The following TCF4 variants were observed in gnomAD, a reference collection of about 807,000 sequenced individuals.
TCF4 encodes transcription factor 4, also known as SL3-3 enhancer factor 2.
In TCF4, 3 loss-of-function variants were observed where a neutral mutation model predicts 82.1. The ratio of observed to expected loss-of-function variants is 0.04; its 90% confidence interval spans 0.02 to 0.09. The LOEUF is 0.09. TCF4 is among the 10% of genes least tolerant of loss of function. The probability of loss-of-function intolerance (pLI) is 1.00; values close to 1 mark genes in which losing one functional copy is unlikely to be tolerated. For synonymous variants in TCF4, 276 were observed against 309.6 expected (o/e 0.89, Z 1.14); for missense variants, 518 against 852.7 (o/e 0.61, Z 4.89).
chr18:55,580,889 A>C (rs2097569555), intron 3 of TCF4, among the ~76,000 whole-genome samples: 1 of 151,864 alleles, frequency 6.6e-6, no homozygotes, highest in South Asian at 2.1e-4. Context: ...CTCAGCTATG[A>C]ATACAGGATA....
intron 8 of TCF4, among the ~76,000 whole-genome samples, chr18:55,317,281 T>A (rs1467695009): frequency 6.6e-6 from 1 of 152,110 alleles, no homozygotes; most frequent in Non-Finnish European, 1.5e-5. Context: ...GTGGGGAATT[T>A]AAAAATTTGA....
intron 15 of TCF4, among the ~76,000 whole-genome samples, chr18:55,241,179 C>A (rs1349703989): frequency 3.3e-5 from 5 of 152,160 alleles, no homozygotes; most frequent in Non-Finnish European, 5.9e-5. Flanking sequence ...GAAATGCAAA[C>A]GGATGTGAGC....
At chr18:55,601,709 G>A (rs1428889852) in intron 2 of TCF4, among the ~76,000 whole-genome samples, 2 of 152,074 alleles carry the variant, frequency 1.3e-5, no homozygotes, top group African/African-American at 4.8e-5. Context: ...ACTTAAACCC[G>A]GCAGGCAGAG....
intron 2 of TCF4, among the ~76,000 whole-genome samples, chr18:55,622,944 C>G (rs578231733): frequency 6.6e-6 from 1 of 150,844 alleles, no homozygotes; most frequent in Admixed American, 6.6e-5. Flanking sequence ...GAAAATCTAA[C>G]CAGACACAAT....
At chr18:55,505,311 A>G (rs1167385286) in intron 3 of TCF4, among the ~76,000 whole-genome samples, 1 of 152,228 alleles carries the variant, frequency 6.6e-6, no homozygotes, top group Non-Finnish European at 1.5e-5. Context: ...AGCTAACTAA[A>G]GTGTCTAAAA....
chr18:55,236,342 T>A (rs1274993935), intron 15 of TCF4, among the ~76,000 whole-genome samples: 1 of 152,182 alleles, frequency 6.6e-6, no homozygotes, highest in Non-Finnish European at 1.5e-5. Flanking sequence ...GTACTGAGAC[T>A]GATATCTCCC....
At chr18:55,454,968 C>T (rs959258828) in intron 5 of TCF4, among the ~76,000 whole-genome samples, 2 of 152,036 alleles carry the variant, frequency 1.3e-5, no homozygotes, top group Non-Finnish European at 2.9e-5. Context: ...AGGCAGATCA[C>T]TTCAGGTCAG....
chr18:55,285,281 G>C (rs114444565), intron 8 of TCF4, among the ~76,000 whole-genome samples: 228 of 152,294 alleles, frequency 1.5e-3, no homozygotes, highest in African/African-American at 5.4e-3. Context: ...TTCCTTGCGA[G>C]GACATAACAA....
chr18:55,619,707 T>C (rs1324453106), intron 2 of TCF4, among the ~76,000 whole-genome samples: 1 of 152,232 alleles, frequency 6.6e-6, no homozygotes, highest in Non-Finnish European at 1.5e-5. Flanking sequence ...TTAATTTTTT[T>C]CATTCCTAAT....
chr18:55,444,191 G>A (rs532063110), intron 5 of TCF4, among the ~76,000 whole-genome samples: 1 of 152,320 alleles, frequency 6.6e-6, no homozygotes, highest in African/African-American at 2.4e-5. Context: ...AGATGTGGAA[G>A]CCCTGGATGT....
At chr18:55,422,989 A>ACACACACACACGCACATGCT (rs1412635450) in intron 5 of TCF4, among the ~76,000 whole-genome samples, 3 of 151,954 alleles carry the variant, frequency 2.0e-5, no homozygotes, top group Non-Finnish European at 2.9e-5. Context: ...CACCAAACAC[A>ACACACACACACGCACATGCT]CACACACACA....
At chr18:55,507,509 A>AT (rs1161512300) in intron 3 of TCF4, among the ~76,000 whole-genome samples, 1 of 149,026 alleles carries the variant, frequency 6.7e-6, no homozygotes, top group African/African-American at 2.5e-5. Flanking sequence ...ACCACAGCTG[A>AT]TGGACAGTAA....
intron 8 of TCF4, among the ~76,000 whole-genome samples, chr18:55,305,559 A>G (rs545217233): frequency 8.5e-5 from 13 of 152,320 alleles, no homozygotes; most frequent in African/African-American, 2.9e-4. Flanking sequence ...GCCAGCTAGG[A>G]TGTATGTTTT....
intron 3 of TCF4, among the ~76,000 whole-genome samples, chr18:55,478,806 C>T: frequency 8.7e-6 from 1 of 115,460 alleles, no homozygotes; most frequent in Admixed American, 8.7e-5. Context: ...GTCCACAGTT[C>T]TGTGGCATAA....
chr18:55,330,090 C>T (rs928753074), intron 8 of TCF4, among the ~76,000 whole-genome samples: 2 of 151,108 alleles, frequency 1.3e-5, no homozygotes, highest in East Asian at 3.9e-4. Flanking sequence ...GGAAATGGTA[C>T]AGAACATATG....
intron 2 of TCF4, among the ~76,000 whole-genome samples, chr18:55,594,714 T>A (rs545914089): frequency 6.6e-6 from 1 of 152,256 alleles, no homozygotes; most frequent in East Asian, 1.9e-4. Flanking sequence ...ATGGGGACAG[T>A]GTCTTCATTA....
chr18:55,354,254 G>A (rs1268445108), intron 6 of TCF4, among the ~76,000 whole-genome samples: 1 of 152,170 alleles, frequency 6.6e-6, no homozygotes, highest in African/African-American at 2.4e-5. Flanking sequence ...CAATTCCCCT[G>A]CAAATGGCCA....
intron 3 of TCF4, among the ~76,000 whole-genome samples, chr18:55,565,306 A>T (rs899643054): frequency 4.3e-5 from 6 of 140,870 alleles, no homozygotes; most frequent in African/African-American, 1.3e-4. Flanking sequence ...GTTCAACATT[A>T]AAAAAAAAAA....
At chr18:55,539,491 T>A (rs534208492) in intron 3 of TCF4, among the ~76,000 whole-genome samples, 1 of 152,250 alleles carries the variant, frequency 6.6e-6, no homozygotes, top group East Asian at 1.9e-4. Context: ...CCTGAGAAAT[T>A]GGCAGAAACT....
Sources: allele counts gnomAD v4.1 joint callset (sites outside exome capture counted in the v4.1 genomes callset), GRCh38; gene constraint gnomAD v4.1.1; transcripts MANE v1.5; gene names NCBI Gene and HGNC (gene_info 2026-07-23, HGNC 2026-07-21).